Variants in ARHGEF10 observed in about 807,000 individuals in gnomAD.
ARHGEF10 encodes Rho guanine nucleotide exchange factor 10, also known as Rho guanine nucleotide exchange factor (GEF) 10.
Under a neutral mutation model 147.4 loss-of-function variants are expected in ARHGEF10, and 140 were observed. The ratio of observed to expected loss-of-function variants is 0.95; its 90% CI spans 0.83 to 1.09. The LOEUF (loss-of-function observed/expected upper bound fraction) is 1.09, where lower values mean the gene tolerates loss of function less well. ARHGEF10 is among the 50% of genes least tolerant of loss of function. The pLI is 0.00. For synonymous variants in ARHGEF10, 902 were observed against 695.8 expected, an observed-to-expected ratio of 1.30 and a Z score of -4.67; for missense variants, 2,222 against 1,752.7, an observed-to-expected ratio of 1.27 and a Z score of -4.78.
Position 1,915,529 on chromosome 8 carries a change from C to T in ARHGEF10, c.2143+6059C>T, listed in dbSNP as rs984949749. ...AAACGGGGGCAGCATGGCAGATGGA[C>T]GGAAAGTGGGAAAGGGTCTTCCAGC... On this transcript the variant is annotated intron_variant, in intron 18 of 28. Transcript: ENST00000349830. Among the ~76,000 whole-genome samples the T allele has an allele frequency of 1.2e-4, 19 of 152,206 alleles. No homozygotes were observed. The East Asian group carries it at 2.1e-3, about 17-fold the overall frequency.
intron 18 of ARHGEF10, among the ~76,000 whole-genome samples, chr8:1,915,431 G>C (rs149525460): frequency 9.8e-5 from 15 of 152,366 alleles, no homozygotes; most frequent in African/African-American, 3.4e-4. Flanking sequence ...CCCAGAGCCA[G>C]CCTGGGACTT....
Position 1,933,782 on chromosome 8 carries a change from G to T in ARHGEF10, c.3080-18G>T, listed in dbSNP as rs372321649. On this transcript the variant is annotated intron_variant, in intron 25 of 28. Transcript: ENST00000349830. Reference sequence around the variant, plus strand: ...ACAGAAAACTGAACTTGAATGAAATGAAATATTTTCTTTTAAGATGGATCC... The same window carrying T: ...ACAGAAAACTGAACTTGAATGAAATTAAATATTTTCTTTTAAGATGGATCC... 1.2e-6 allele frequency: 2 copies of T among 1,614,032 alleles called. No individual in the cohort carries two copies. Among genetic ancestry groups the T allele is most frequent in the African/African-American group, 2.7e-5 (2 of 74,916 alleles).
chr8:1,894,779 G>A (rs967161482), intron 13 of ARHGEF10, among the ~76,000 whole-genome samples: 2 of 152,232 alleles, frequency 1.3e-5, no homozygotes, highest in African/African-American at 4.8e-5. Flanking sequence ...AGGCCAAGGC[G>A]TTAGAAAGGC....
chr8:1,837,452 C>A (rs1332754364), intron 1 of ARHGEF10, among the ~76,000 whole-genome samples: 1 of 152,208 alleles, frequency 6.6e-6, no homozygotes, highest in Non-Finnish European at 1.5e-5. Context: ...AATGAGAAAT[C>A]AATTTGACTC....
rs2272612 is a variant in ARHGEF10, at chr8:1,926,069, A to G, written c.2611-308A>G. On this transcript the variant is annotated intron_variant, in intron 22 of 28. Transcript: ENST00000349830. Reference sequence around the variant, plus strand: ...AGAGGCACAGGCCATCACAGGCTGTACTTGATGCCTGCAGGGCCAGCCCTC... The same window carrying G: ...AGAGGCACAGGCCATCACAGGCTGTGCTTGATGCCTGCAGGGCCAGCCCTC... Among the ~76,000 whole-genome samples the G allele has an allele frequency of 4.6e-3, 699 of 152,310 alleles. 20 individuals are homozygous for G. In the East Asian group the frequency reaches 0.088, roughly 19 times the overall value.
At chr8:1,845,620 A>G (rs967280472) in intron 2 of ARHGEF10, among the ~76,000 whole-genome samples, 1 of 152,198 alleles carries the variant, frequency 6.6e-6, no homozygotes, top group East Asian at 1.9e-4. Flanking sequence ...GTTTCAAAGA[A>G]GGCGGAAACA....
At chr8:1,865,990 A>G (rs576925951) in intron 5 of ARHGEF10, among the ~76,000 whole-genome samples, 2 of 152,300 alleles carry the variant, frequency 1.3e-5, no homozygotes, top group East Asian at 1.9e-4. Context: ...GCATTCCCGT[A>G]GCTACCCATT....
At chr8:1,835,012 C>T (rs1029839721) in intron 1 of ARHGEF10, among the ~76,000 whole-genome samples, 7 of 152,230 alleles carry the variant, frequency 4.6e-5, no homozygotes, top group African/African-American at 1.4e-4. Context: ...CAAGCGGGTC[C>T]GCCACAACGC....
intron 18 of ARHGEF10, 85 bp from the exon 19 acceptor site, chr8:1,922,879 A>T (rs1812402808): frequency 1.1e-6 from 1 of 929,270 alleles, no homozygotes; most frequent in South Asian, 1.4e-5. Flanking sequence ...ATTATTTAGT[A>T]TTTGAGTCTT....
At chr8:1,842,379 C>T (rs1056650310) in intron 1 of ARHGEF10, among the ~76,000 whole-genome samples, 3 of 152,210 alleles carry the variant, frequency 2.0e-5, no homozygotes, top group African/African-American at 7.2e-5. Flanking sequence ...TGGTGGCGTC[C>T]TGGGTGTGTG....
At chr8:1,888,205 T>A (rs953329686) in intron 11 of ARHGEF10, among the ~76,000 whole-genome samples, 6 of 24,648 alleles carry the variant, frequency 2.4e-4, no homozygotes, top group African/African-American at 1.6e-3. Flanking sequence ...AGGAGACACT[T>A]AGTGGGGCGA....
intron 6 of ARHGEF10, 116 bp from the exon 7 acceptor site, chr8:1,869,078 T>G (rs1806863598): frequency 9.7e-7 from 1 of 1,025,694 alleles, no homozygotes; most frequent in African/African-American, 1.6e-5. Context: ...AAACTACCCT[T>G]ATAAACCAAC....
intron 1 of ARHGEF10, among the ~76,000 whole-genome samples, chr8:1,830,200 C>T (rs1382888144): frequency 6.6e-6 from 1 of 152,190 alleles, no homozygotes; most frequent in Non-Finnish European, 1.5e-5. Flanking sequence ...CACCTGTAAT[C>T]CTGGGAGATT....
chr8:1,877,118 C>T (rs1379335564), intron 8 of ARHGEF10, among the ~76,000 whole-genome samples: 1 of 152,220 alleles, frequency 6.6e-6, no homozygotes. Flanking sequence ...CTGCACTTTG[C>T]TTTAAGTGAG....
At chr8:1,841,320 G>T (rs1029069205) in intron 1 of ARHGEF10, among the ~76,000 whole-genome samples, 13 of 152,252 alleles carry the variant, frequency 8.5e-5, no homozygotes, top group African/African-American at 2.7e-4. Flanking sequence ...CAGCCCAGGA[G>T]CCTGGATTCA....
intron 2 of ARHGEF10, among the ~76,000 whole-genome samples, chr8:1,854,785 C>A (rs777597741): frequency 6.6e-6 from 1 of 152,218 alleles, no homozygotes; most frequent in Non-Finnish European, 1.5e-5. Flanking sequence ...CTCATTCATT[C>A]GCTCACATGA....
chr8:1,858,206 T>TGGTC (rs1563187108), intron 3 of ARHGEF10, 91 bp downstream of exon 3: 3 of 1,024,054 alleles, frequency 2.9e-6, no homozygotes, highest in African/African-American at 2.2e-5. Context: ...CCAGGTGAGT[T>TGGTC]CCCAGGTGAG....
At chr8:1,912,662 G>A (rs897340922) in intron 18 of ARHGEF10, among the ~76,000 whole-genome samples, 1 of 150,550 alleles carries the variant, frequency 6.6e-6, no homozygotes, top group Non-Finnish European at 1.5e-5. Context: ...TCTTGCAGAG[G>A]CTGCAGGCTG....
rs964875883 is a variant in ARHGEF10, at chr8:1,929,592, G to A, written c.3079+149G>A. 2.3e-5 allele frequency: 21 copies of A among 912,868 alleles called. No homozygotes were observed. The South Asian group carries it at 3.1e-4, about 13-fold the overall frequency. 56.5% of individuals were successfully genotyped at this position (912,868 alleles called of 1,614,324 possible). On this transcript the variant is annotated intron_variant, in intron 25 of 28. Coordinates refer to ENST00000349830, the MANE Select transcript of ARHGEF10 (RefSeq NM_014629.4). Reference sequence around the variant, plus strand: ...CGCTCGTCACCCTTGCCCAAGGCCCGGGTGCCTTGCTTCTTCCCCAAAAGG... The same window carrying A: ...CGCTCGTCACCCTTGCCCAAGGCCCAGGTGCCTTGCTTCTTCCCCAAAAGG...
Sources: allele counts gnomAD v4.1 joint callset (sites outside exome capture counted in the v4.1 genomes callset), GRCh38; gene constraint gnomAD v4.1.1; transcripts MANE v1.5; gene names NCBI Gene and HGNC (gene_info 2026-07-23, HGNC 2026-07-21).